The following SHISA9 variants were observed in gnomAD, a reference collection of about 807,000 sequenced individuals.
SHISA9 encodes protein shisa-9.
SHISA9 carries 13 observed loss-of-function variants against 38.0 expected under a neutral mutation model. That is an observed-to-expected ratio of 0.34 (90% CI 0.22 to 0.54). SHISA9 has a LOEUF of 0.54. Ranked by LOEUF, SHISA9 falls within the 20% of genes least tolerant of loss-of-function variation. SHISA9 has a pLI of 0.91. For missense variants in SHISA9, 538 were observed against 575.8 expected (o/e 0.93, Z 0.67); for synonymous variants, 275 against 242.0 (o/e 1.14, Z -1.27).
At chr16:13,402,787 C>T in the SHISA9 span, among the ~76,000 whole-genome samples, 3 of 152,248 alleles carry the variant, frequency 2.0e-5, no homozygotes, top group Middle Eastern at 3.4e-3. Context: ...GTCAAGTTGA[C>T]GTATCAAATT....
chr16:13,151,211 A>T (rs1275509799), intron 2 of SHISA9, among the ~76,000 whole-genome samples: 1 of 152,088 alleles, frequency 6.6e-6, no homozygotes, highest in Non-Finnish European at 1.5e-5. Flanking sequence ...GGTTCAAGCG[A>T]TTCTCCTGCC....
intron 2 of SHISA9, among the ~76,000 whole-genome samples, chr16:13,175,246 G>T (rs1185947446): frequency 6.6e-6 from 1 of 152,022 alleles, no homozygotes; most frequent in Non-Finnish European, 1.5e-5. Context: ...AAAATTAGCT[G>T]GGCATGGTGG....
intron 2 of SHISA9, among the ~76,000 whole-genome samples, chr16:12,973,117 C>A (rs1332702315): frequency 6.6e-6 from 1 of 152,102 alleles, no homozygotes. Flanking sequence ...TTCCATTTCA[C>A]CCCTCCGCTC....
intron 2 of SHISA9, among the ~76,000 whole-genome samples, chr16:12,952,075 A>T (rs957413967): frequency 1.3e-5 from 2 of 152,178 alleles, no homozygotes; most frequent in African/African-American, 4.8e-5. Flanking sequence ...TAAATAACAC[A>T]TTCCCCCAGC....
chr16:13,432,912 C>T, the SHISA9 span, among the ~76,000 whole-genome samples: 38 of 151,882 alleles, frequency 2.5e-4, no homozygotes, highest in African/African-American at 7.5e-4. Context: ...TGGGGTCTAT[C>T]GGAGGGTGGA....
chr16:12,905,155 C>T (rs1190852926), intron 1 of SHISA9, among the ~76,000 whole-genome samples: 1 of 152,184 alleles, frequency 6.6e-6, no homozygotes, highest in African/African-American at 2.4e-5. Context: ...TGCAAGTAAA[C>T]ACTCTCTCAT....
chr16:12,991,360 T>C (rs139293254), intron 2 of SHISA9, among the ~76,000 whole-genome samples: 87 of 152,314 alleles, frequency 5.7e-4, no homozygotes, highest in African/African-American at 2.0e-3. Flanking sequence ...AGGATGATGA[T>C]GATGATTGTT....
At position 13,204,134 on chromosome 16, in the gene SHISA9, T is replaced by TTATCTATCTATC. The variant is rs60916250; in HGVS notation, c.847+609_847+620dup. 3.6e-3 allele frequency among the ~76,000 whole-genome samples: 539 copies of TTATCTATCTATC among 149,336 alleles called. 3 individuals carry two copies. The highest frequency in any genetic ancestry group is 6.9e-3 in the African/African-American group (280 of 40,458). On this transcript the variant is annotated intron_variant, in intron 3 of 4. Transcript: ENST00000558583. The stretch of plus-strand genomic sequence containing the variant: ...CTATTATCTATCATCTAACTACCTA[T>TTATCTATCTATC]TATCTATCTATCTATCTATCTATCT...
intron 1 of SHISA9, among the ~76,000 whole-genome samples, chr16:12,907,283 T>C (rs1024663026): frequency 6.9e-6 from 1 of 144,384 alleles, no homozygotes; most frequent in Non-Finnish European, 1.5e-5. Flanking sequence ...CTTCCCTTCC[T>C]CCCTTCTTTG....
chr16:13,079,307 G>A (rs1567205064), intron 2 of SHISA9, among the ~76,000 whole-genome samples: 1 of 152,184 alleles, frequency 6.6e-6, no homozygotes, highest in Non-Finnish European at 1.5e-5. Context: ...GATGATGACA[G>A]AATCTACTTC....
the SHISA9 span, among the ~76,000 whole-genome samples, chr16:13,300,402 C>A: frequency 6.6e-6 from 1 of 152,110 alleles, no homozygotes; most frequent in Non-Finnish European, 1.5e-5. Flanking sequence ...TCCAGGTGGG[C>A]CCTCCTGGAG....
the SHISA9 span, among the ~76,000 whole-genome samples, chr16:13,401,786 T>G: frequency 4.8e-3 from 738 of 152,252 alleles, 4 homozygotes; most frequent in Non-Finnish European, 7.2e-3. Context: ...GAGAAATGCC[T>G]GAGACTGGGT....
At chr16:13,531,772 G>A in the SHISA9 span, among the ~76,000 whole-genome samples, 5 of 152,084 alleles carry the variant, frequency 3.3e-5, no homozygotes, top group Non-Finnish European at 7.4e-5. Flanking sequence ...ATGGTGGGGC[G>A]GTGTGGGGGG....
chr16:12,908,248 T>C (rs2071130244), intron 1 of SHISA9, among the ~76,000 whole-genome samples: 1 of 152,220 alleles, frequency 6.6e-6, no homozygotes, highest in Non-Finnish European at 1.5e-5. Flanking sequence ...TATATTTATT[T>C]AACTGTGTGA....
chr16:13,459,049 C>G, the SHISA9 span, among the ~76,000 whole-genome samples: 4 of 152,072 alleles, frequency 2.6e-5, no homozygotes, highest in South Asian at 8.3e-4. Flanking sequence ...GATGGGGTTT[C>G]TCCATGTTGG....
At chr16:13,541,422 T>G in the SHISA9 span, among the ~76,000 whole-genome samples, 5 of 152,316 alleles carry the variant, frequency 3.3e-5, no homozygotes, top group African/African-American at 1.2e-4. Flanking sequence ...CCCCCGCCTT[T>G]GCCTGAACCC....
At chr16:13,274,741 G>T in the SHISA9 span, among the ~76,000 whole-genome samples, 1 of 152,120 alleles carries the variant, frequency 6.6e-6, no homozygotes, top group Non-Finnish European at 1.5e-5. Flanking sequence ...AGTCATTCAT[G>T]TTGCCTCGAA....
intron 4 of SHISA9, among the ~76,000 whole-genome samples, chr16:13,216,693 G>C (rs1482541831): frequency 6.6e-6 from 1 of 152,116 alleles, no homozygotes; most frequent in Non-Finnish European, 1.5e-5. Flanking sequence ...GGGAGCAGTG[G>C]GGGAGATGGG....
At chr16:13,260,386 AGCTGAAT>A in the SHISA9 span, among the ~76,000 whole-genome samples, 2 of 151,934 alleles carry the variant, frequency 1.3e-5, no homozygotes, top group Admixed American at 1.3e-4. Context: ...TCCCTTATAA[AGCTGAAT>A]GCCTTTAACA....
Sources: gnomAD v4.1 joint callset for allele counts (sites outside exome capture counted in the v4.1 genomes callset) on GRCh38, gnomAD v4.1.1 for gene constraint, MANE v1.5 for transcripts, NCBI Gene and HGNC (gene_info 2026-07-23, HGNC 2026-07-21) for gene names.